ACOX2: variants seen among roughly 807,000 people sequenced by gnomAD.
The protein encoded by ACOX2 is peroxisomal acyl-coenzyme A oxidase 2.
Under a neutral mutation model 77.5 loss-of-function variants are expected in ACOX2, and 59 were observed. The observed-to-expected ratio is 0.76, with a 90% confidence interval of 0.62 to 0.95. The LOEUF (loss-of-function observed/expected upper bound fraction) is 0.95, where lower values mean the gene tolerates loss of function less well. Ranked by LOEUF, ACOX2 falls within the 40% of genes least tolerant of loss-of-function variation. ACOX2 has a pLI of 0.00. For missense variants in ACOX2, 837 were observed against 880.4 expected, an observed-to-expected ratio of 0.95 and a Z score of 0.62; for synonymous variants, 317 against 340.1, an observed-to-expected ratio of 0.93 and a Z score of 0.75.
chr3:58,529,389 G>A (rs1223646637), intron 8 of ACOX2, among the ~76,000 whole-genome samples: 1 of 152,194 alleles, frequency 6.6e-6, no homozygotes, highest in African/African-American at 2.4e-5. Context: ...TAACTCTTAG[G>A]ATGTAAACTC....
At chr3:58,517,513 T>C in intron 12 of ACOX2, 90 bp from the exon 13 acceptor site, 2 of 1,311,662 alleles carry the variant, frequency 1.5e-6, no homozygotes, top group Non-Finnish European at 2.2e-6. Flanking sequence ...TGGAATAAAC[T>C]TGAGGCATGA....
At chr3:58,510,697 T>C (rs2063278271) in intron 13 of ACOX2, among the ~76,000 whole-genome samples, 2 of 6,904 alleles carry the variant, frequency 2.9e-4, no homozygotes, top group East Asian at 7.7e-3. Flanking sequence ...TATATATATA[T>C]ATATATATAT....
chr3:58,511,819 T>C (rs1200999374), intron 13 of ACOX2: 1 of 152,294 alleles, frequency 6.6e-6, no homozygotes. Flanking sequence ...CTGAAAGTGT[T>C]ATGTGTGTTT....
Position 58,524,398 on chromosome 3 carries a change from G to C in ACOX2, c.1526+28C>G, listed in dbSNP as rs774988404. 1.5e-5 allele frequency: 24 copies of C among 1,601,116 alleles called. No individual in the cohort carries two copies. In the South Asian group the frequency reaches 2.6e-4, roughly 18 times the overall value. On this transcript the variant is annotated intron_variant, in intron 11 of 14. Transcript: ENST00000302819. The surrounding 1 kb of genome is among the most constrained non-coding windows in gnomAD (Gnocchi z 5.5). Reference sequence around the variant, plus strand: ...TGGCATGGAGCCTGTGCCCAGGTGGGATGGCTGATTTCTCAGCACTGGCTT... The same window carrying C: ...TGGCATGGAGCCTGTGCCCAGGTGGCATGGCTGATTTCTCAGCACTGGCTT...
intron 5 of ACOX2, among the ~76,000 whole-genome samples, chr3:58,532,983 G>A (rs13083957): frequency 0.81 from 123,609 of 152,082 alleles, 53,062 homozygotes; most frequent in East Asian, 1. Context: ...GGGGGCTGGT[G>A]ATGGGCGTGA....
At chr3:58,508,580 G>A (rs9647382) in intron 14 of ACOX2, among the ~76,000 whole-genome samples, 137,612 of 152,242 alleles carry the variant, frequency 0.9, 62,336 homozygotes, top group East Asian at 1. Flanking sequence ...CTTAAAAGCC[G>A]GTTTACCACT....
At position 58,509,016 on chromosome 3, in the gene ACOX2, G is replaced by A; in HGVS notation, c.1860C>T (p.Ala620=). ...LDLLRLIRKD[A]ILLTDAFDFT... is the part of the protein sequence containing the mutation. Reference sequence around the variant, plus strand: ...AGTCAAAAGCATCAGTTAACAGGATGGCATCCTTCCTGGGATAGGAAACAA... The same window carrying A: ...AGTCAAAAGCATCAGTTAACAGGATAGCATCCTTCCTGGGATAGGAAACAA... The change falls in exon 14 of 15, where the codon GCC becomes GCT. Residue 620 remains alanine (A), a synonymous_variant. Coordinates refer to ENST00000302819, the MANE Select transcript of ACOX2 (RefSeq NM_003500.4). 3 of 1,614,062 alleles carry A rather than the reference G, an allele frequency of 1.9e-6. No homozygotes were observed. Among genetic ancestry groups the A allele is most frequent in the Non-Finnish European group, 2.5e-6 (3 of 1,179,968 alleles).
chr3:58,535,086 T>C lies in ACOX2; in HGVS notation c.21A>G (p.Arg7=). Residue 7 remains arginine, a synonymous_variant, in exon 2 of 15, where the codon CGA becomes CGG. Coordinates refer to ENST00000302819, the MANE Select transcript of ACOX2 (RefSeq NM_003500.4). This position sits in a 1 kb window ranked among gnomAD's most constrained non-coding sequence, Gnocchi z 4.8. ...TGCTCCAGGTATCCCCCAATGACAC[T>C]CGGTGCACTGGGCTGCCCATCCTAT... MGSPVH[R]VSLGDTWSRQ... The C allele has an allele frequency of 6.2e-7, 1 of 1,614,170 alleles. No homozygotes were observed. Among genetic ancestry groups the C allele is most frequent in the Non-Finnish European group, 8.5e-7 (1 of 1,180,036 alleles).
chr3:58,516,378 G>A (rs57327048), intron 13 of ACOX2, among the ~76,000 whole-genome samples: 45,459 of 152,066 alleles, frequency 0.3, 7,681 homozygotes, highest in East Asian at 0.67. Flanking sequence ...ATTGTACCCA[G>A]CCCCTCCTCT....
intron 13 of ACOX2, among the ~76,000 whole-genome samples, chr3:58,513,539 T>C (rs530450655): frequency 6.6e-6 from 1 of 152,268 alleles, no homozygotes; most frequent in Non-Finnish European, 1.5e-5. Context: ...CAAGGAGCTC[T>C]TTTTTTAGGT....
intron 1 of ACOX2, among the ~76,000 whole-genome samples, chr3:58,536,514 G>A (rs2063482458): frequency 1.3e-5 from 2 of 152,170 alleles, no homozygotes; most frequent in African/African-American, 2.4e-5. Context: ...CCCCCAGCAG[G>A]GCTGTGGGGG....
rs1043812429 is a variant in ACOX2 at position 58,519,676 on chromosome 3, G to A, written c.1633-2253C>T. Among the ~76,000 whole-genome samples the A allele has an allele frequency of 5.3e-5, 8 of 152,178 alleles. No homozygotes were observed. The highest frequency in any genetic ancestry group is 2.1e-4 in the South Asian group (1 of 4,824). ...CTTCAGCTGGGCAGTGACCCGATCC[G>A]CTTTCTCACTTGGAAAGAACTTGTG... On this transcript the variant is annotated intron_variant, in intron 12 of 14. Coordinates refer to ENST00000302819, the MANE Select transcript of ACOX2 (RefSeq NM_003500.4). This position sits in a 1 kb window ranked among gnomAD's most constrained non-coding sequence, Gnocchi z 5.0.
At chr3:58,516,091 AG>A (rs1358792735) in intron 13 of ACOX2, among the ~76,000 whole-genome samples, 1 of 152,176 alleles carries the variant, frequency 6.6e-6, no homozygotes, top group Non-Finnish European at 1.5e-5. Flanking sequence ...ATAGTGTGAA[AG>A]CACTGCATTA....
chr3:58,527,938 C>T (rs945553540), intron 9 of ACOX2, among the ~76,000 whole-genome samples: 6 of 151,026 alleles, frequency 4.0e-5, no homozygotes, highest in African/African-American at 1.5e-4. Flanking sequence ...AACTCCTGGG[C>T]TCAAGCAATC....
At chr3:58,513,545 TA>T (rs2063301801) in intron 13 of ACOX2, among the ~76,000 whole-genome samples, 2 of 152,208 alleles carry the variant, frequency 1.3e-5, no homozygotes, top group Admixed American at 1.3e-4. Flanking sequence ...GCTCTTTTTT[TA>T]GGTTCTCTGA....
intron 13 of ACOX2, among the ~76,000 whole-genome samples, chr3:58,509,358 T>C (rs2063260245): frequency 6.6e-6 from 1 of 151,736 alleles, no homozygotes; most frequent in South Asian, 2.1e-4. Context: ...AAACCCCGTC[T>C]CTACTAAAAA....
At chr3:58,536,566 A>G (rs1418269084) in intron 1 of ACOX2, among the ~76,000 whole-genome samples, 2 of 152,114 alleles carry the variant, frequency 1.3e-5, no homozygotes, top group East Asian at 3.9e-4. Flanking sequence ...GGAGTCCTGC[A>G]AGTGCCCCTA....
In ACOX2 at chr3:58,514,551, A is replaced by C. The variant is rs2063308878; in HGVS notation, c.1850+2655T>G. Among the ~76,000 whole-genome samples the C allele has an allele frequency of 6.6e-6, 1 of 152,208 alleles. No homozygotes were observed. Among genetic ancestry groups the C allele is most frequent in the South Asian group, 2.1e-4 (1 of 4,820 alleles). Reference sequence around the variant, plus strand: ...AGATAGTGACTAATCAAGGCAGGGAACTGTGACACCAAACAGTGATATGCA... The same window carrying C: ...AGATAGTGACTAATCAAGGCAGGGACCTGTGACACCAAACAGTGATATGCA... On this transcript the variant is annotated intron_variant, in intron 13 of 14. Coordinates refer to ENST00000302819, the MANE Select transcript of ACOX2 (RefSeq NM_003500.4). The surrounding 1 kb of genome is among the most constrained non-coding windows in gnomAD (Gnocchi z 4.3).
rs551522379 is a variant in ACOX2, at chr3:58,519,670, C to T, written c.1633-2247G>A. On this transcript the variant is annotated intron_variant, in intron 12 of 14. Transcript: ENST00000302819. This position sits in a 1 kb window ranked among gnomAD's most constrained non-coding sequence, Gnocchi z 5.0. ...GGGAGTCTTCAGCTGGGCAGTGACCCGATCCGCTTTCTCACTTGGAAAGAA... is the reference window on the plus strand; with the variant it reads ...GGGAGTCTTCAGCTGGGCAGTGACCTGATCCGCTTTCTCACTTGGAAAGAA... 1.3e-5 allele frequency among the ~76,000 whole-genome samples: 2 copies of T among 152,160 alleles called. No individual in the cohort carries two copies. Among genetic ancestry groups the T allele is most frequent in the African/African-American group, 2.4e-5 (1 of 41,422 alleles).
Sources: allele counts gnomAD v4.1 joint callset (sites outside exome capture counted in the v4.1 genomes callset), GRCh38; gene constraint gnomAD v4.1.1; non-coding constraint Gnocchi (gnomAD v3.1); transcripts MANE v1.5; gene names NCBI Gene and HGNC (gene_info 2026-07-23, HGNC 2026-07-21).